Variants in SOX6 observed in about 807,000 individuals in gnomAD.
The protein encoded by SOX6 is SRY-box transcription factor 6.
A neutral mutation model predicts 97.8 loss-of-function variants in SOX6; 11 were observed. That is an observed-to-expected ratio of 0.11 (90% CI 0.07 to 0.19). The LOEUF (loss-of-function observed/expected upper bound fraction) is 0.19, where lower values mean the gene tolerates loss of function less well. Ranked by LOEUF, SOX6 falls within the 10% of genes least tolerant of loss-of-function variation. SOX6 has a pLI of 1.00. For missense variants in SOX6, 810 were observed against 1,039.5 expected, an observed-to-expected ratio of 0.78 and a Z score of 3.04; for synonymous variants, 360 against 371.4, an observed-to-expected ratio of 0.97 and a Z score of 0.35.
intron 1 of SOX6, among the ~76,000 whole-genome samples, chr11:16,401,225 C>A (rs1238330814): frequency 1.3e-5 from 2 of 151,538 alleles, no homozygotes; most frequent in Non-Finnish European, 3.0e-5. Context: ...GTATCTCACA[C>A]AGTGCCTGGA....
intron 1 of SOX6, among the ~76,000 whole-genome samples, chr11:16,737,321 C>CTT (rs1448270917): frequency 3.9e-5 from 6 of 152,276 alleles, no homozygotes; most frequent in African/African-American, 1.4e-4. Flanking sequence ...ATTCTCCTGC[C>CTT]TCAGCCTCCC....
chr11:16,280,186 T>G (rs1854514124), intron 3 of SOX6, among the ~76,000 whole-genome samples: 1 of 152,024 alleles, frequency 6.6e-6, no homozygotes, highest in South Asian at 2.1e-4. Context: ...AGATGTCAGT[T>G]TTGTCGAAAA....
chr11:16,065,468 A>G (rs1390882572), intron 9 of SOX6, among the ~76,000 whole-genome samples: 1 of 152,086 alleles, frequency 6.6e-6, no homozygotes, highest in African/African-American at 2.4e-5. Context: ...TGCAATCCAC[A>G]TCAAAATACC....
At chr11:16,417,888 T>C (rs1858954752) in intron 1 of SOX6, among the ~76,000 whole-genome samples, 1 of 152,244 alleles carries the variant, frequency 6.6e-6, no homozygotes, top group Non-Finnish European at 1.5e-5. Flanking sequence ...AAATTATTTC[T>C]CTGAGTTCAT....
Position 16,316,423 on chromosome 11 carries a change from T to C in SOX6, c.445+2023A>G, listed in dbSNP as rs959225150. On this transcript the variant is annotated intron_variant, in intron 3 of 15. Coordinates refer to ENST00000683767, the MANE Select transcript of SOX6 (RefSeq NM_001367873.1). ...ATACTAAAGATGCCTGAATTTCTGA[T>C]GTCTAAAACATACATATTGCAAAAA... 6 of 151,538 alleles carry C rather than the reference T, an allele frequency of 4.0e-5. No homozygotes were observed. The South Asian group carries it at 1.2e-3, about 31-fold the overall frequency. The allele number at this position is 151,538 out of a possible 1,614,324, so 9.4% of individuals were successfully genotyped here.
intron 3 of SOX6, chr11:16,283,768 T>C: frequency 3.8e-6 from 1 of 264,508 alleles, no homozygotes; most frequent in South Asian, 3.6e-5. Context: ...TATTTTCTTG[T>C]TATGTCAGAG....
intron 7 of SOX6, among the ~76,000 whole-genome samples, chr11:16,105,455 C>T (rs980758541): frequency 6.6e-6 from 1 of 152,044 alleles, no homozygotes; most frequent in African/African-American, 2.4e-5. Flanking sequence ...ATAGTCCCAG[C>T]TACTTGGGAG....
intron 3 of SOX6, among the ~76,000 whole-genome samples, chr11:16,635,072 C>A (rs1305085359): frequency 6.6e-6 from 1 of 152,158 alleles, no homozygotes; most frequent in Non-Finnish European, 1.5e-5. Flanking sequence ...ATAAATTACC[C>A]AGTCTTGGGT....
chr11:16,506,242 C>T (rs989396341), intron 4 of SOX6, among the ~76,000 whole-genome samples: 4 of 152,186 alleles, frequency 2.6e-5, no homozygotes, highest in African/African-American at 9.6e-5. Flanking sequence ...GGGAGCCTAC[C>T]CATCGCATCA....
intron 4 of SOX6, among the ~76,000 whole-genome samples, chr11:16,587,532 G>A (rs977840377): frequency 1.3e-5 from 2 of 152,078 alleles, no homozygotes; most frequent in East Asian, 1.9e-4. Flanking sequence ...TGTGGTAACG[G>A]CTCAATATAT....
At chr11:16,399,331 T>C (rs1858477270) in intron 1 of SOX6, among the ~76,000 whole-genome samples, 1 of 150,702 alleles carries the variant, frequency 6.6e-6, no homozygotes, top group African/African-American at 2.4e-5. Context: ...GTAATATTTT[T>C]ATTGTTTTAT....
chr11:15,986,085 T>C, intron 15 of SOX6, 119 bp downstream of exon 15: 1 of 967,060 alleles, frequency 1.0e-6, no homozygotes, highest in Non-Finnish European at 1.7e-6. Flanking sequence ...GCCAAGCCCC[T>C]TCAGTATGCC....
intron 3 of SOX6, among the ~76,000 whole-genome samples, chr11:16,246,281 T>G (rs1282907590): frequency 6.6e-6 from 1 of 151,754 alleles, no homozygotes; most frequent in Admixed American, 6.6e-5. Context: ...AATCATATTT[T>G]AAGTAAATTA....
At chr11:15,990,621 T>C (rs1310455578) in intron 13 of SOX6, among the ~76,000 whole-genome samples, 19 of 152,156 alleles carry the variant, frequency 1.2e-4, no homozygotes, top group Non-Finnish European at 2.8e-4. Flanking sequence ...TCATGCACCC[T>C]ATACCAGGGC....
Position 16,249,884 on chromosome 11 carries a change from T to A in SOX6, c.446-15213A>T, listed in dbSNP as rs544565448. On this transcript the variant is annotated intron_variant, in intron 3 of 15. Transcript: ENST00000683767. ...ATTACGAGGTTAATTCCAGTACCAG[T>A]TACTTCTTTATGGCCAGAAGCAGAA... Among the ~76,000 whole-genome samples, 4 of 152,360 alleles carry A rather than the reference T, an allele frequency of 2.6e-5. No homozygotes were observed. In the South Asian group the frequency reaches 8.3e-4, roughly 32 times the overall value.
chr11:16,145,249 C>A lies in SOX6; in HGVS notation c.778-33326G>T, dbSNP rs181432266. On this transcript the variant is annotated intron_variant, in intron 6 of 15. Coordinates refer to ENST00000683767, the MANE Select transcript of SOX6 (RefSeq NM_001367873.1). ...ATATAAACAGAACCAAAGACAAAAA[C>A]CACATGATTATCTCAATAGATGCAG... 3.7e-4 allele frequency among the ~76,000 whole-genome samples: 57 copies of A among 152,258 alleles called. 1 individual carries two copies. Among genetic ancestry groups the A allele is most frequent in the Admixed American group, 3.0e-3 (46 of 15,290 alleles).
intron 3 of SOX6, among the ~76,000 whole-genome samples, chr11:16,286,616 T>C (rs1043458666): frequency 3.3e-5 from 5 of 152,136 alleles, no homozygotes; most frequent in African/African-American, 1.2e-4. Flanking sequence ...TGTAGTGGTG[T>C]CTTATAAAAA....
chr11:16,426,255 CAAAAAAAAAAAAAAAAAAAAAAAAAAAAA>C (rs869158484), intron 1 of SOX6, among the ~76,000 whole-genome samples: 2 of 29,270 alleles, frequency 6.8e-5, no homozygotes, highest in South Asian at 3.1e-3. Context: ...GACTCCATCT[CAAAAAAAAAAAAAAAAAAAAAAAAAAAAA>C]AAAAAAAAAA....
chr11:16,248,342 G>A (rs1331805810), intron 3 of SOX6, among the ~76,000 whole-genome samples: 3 of 152,176 alleles, frequency 2.0e-5, no homozygotes, highest in Non-Finnish European at 1.5e-5. Context: ...ACTAGGCAGT[G>A]CCCCAGTGGG....
Sources: gnomAD v4.1 joint callset for allele counts (sites outside exome capture counted in the v4.1 genomes callset) on GRCh38, gnomAD v4.1.1 for gene constraint, MANE v1.5 for transcripts, NCBI Gene and HGNC (gene_info 2026-07-23, HGNC 2026-07-21) for gene names.